The following OPHN1 variants were observed in gnomAD, a reference collection of about 807,000 sequenced individuals.
OPHN1 encodes the protein oligophrenin 1.
Under a neutral mutation model 60.7 loss-of-function variants are expected in OPHN1, and 11 were observed. The ratio of observed to expected loss-of-function variants is 0.18; its 90% CI spans 0.11 to 0.30. The LOEUF is 0.30. Ranked by LOEUF, OPHN1 falls within the 10% of genes least tolerant of loss-of-function variation. The pLI, the probability that OPHN1 is intolerant of heterozygous loss-of-function variation, is 1.00. For synonymous variants in OPHN1, 226 were observed against 222.6 expected (o/e 1.02, Z -0.14); for missense variants, 449 against 611.0 (o/e 0.73, Z 2.80).
At chrX:68,127,357 C>T (rs1206620030) in intron 15 of OPHN1, among the ~76,000 whole-genome samples, 1 of 110,916 alleles carries the variant, frequency 9.0e-6, no homozygotes, top group African/African-American at 3.3e-5. Context: ...TATTCATAGC[C>T]TAATAATAAA....
chrX:68,069,227 A>G (rs2076924206), intron 20 of OPHN1, among the ~76,000 whole-genome samples: 1 of 112,043 alleles, frequency 8.9e-6, no homozygotes, highest in African/African-American at 3.2e-5. Context: ...AGATTAAATT[A>G]GACCTTCTAT....
intron 15 of OPHN1, among the ~76,000 whole-genome samples, chrX:68,188,954 C>A (rs1363364699): frequency 8.9e-6 from 1 of 111,779 alleles, no homozygotes; most frequent in Non-Finnish European, 1.9e-5. Context: ...TATTCTAATG[C>A]CATAATGATG....
chrX:68,252,394 T>C (rs147220495), intron 5 of OPHN1, among the ~76,000 whole-genome samples: 2,714 of 111,950 alleles, frequency 0.024, 80 homozygotes, highest in African/African-American at 0.084. Flanking sequence ...GAACTAAAAA[T>C]CTGAGCCCAA....
intron 20 of OPHN1, among the ~76,000 whole-genome samples, chrX:68,069,626 GGAGA>G (rs1387191131): frequency 9.1e-6 from 1 of 110,469 alleles, no homozygotes; most frequent in African/African-American, 3.3e-5. Context: ...CATTCTAATG[GGAGA>G]GAGAGATAAT....
intron 15 of OPHN1, among the ~76,000 whole-genome samples, chrX:68,168,515 T>G (rs9698438): frequency 0.35 from 38,135 of 108,065 alleles, 5,680 homozygotes; most frequent in African/African-American, 0.53. Flanking sequence ...TGTGTAGAGG[T>G]AAATTTATAG....
chrX:68,166,675 G>C (rs1397037044), intron 15 of OPHN1, among the ~76,000 whole-genome samples: 1 of 111,716 alleles, frequency 9.0e-6, no homozygotes, highest in East Asian at 2.8e-4. Context: ...GCAAGGTGCT[G>C]GTGTAAAAAC....
chrX:68,262,673 G>A (rs2077899196), intron 5 of OPHN1, among the ~76,000 whole-genome samples: 1 of 112,086 alleles, frequency 8.9e-6, no homozygotes, highest in Non-Finnish European at 1.9e-5. Context: ...TGTAATTCAA[G>A]CTACTTGGAA....
intron 20 of OPHN1, chrX:68,070,484 A>AG (rs1257563663): frequency 1.7e-6 from 1 of 588,957 alleles, no homozygotes; most frequent in African/African-American, 2.2e-5. Flanking sequence ...AAGTTGACTT[A>AG]GGGGCTGTGC....
intron 6 of OPHN1, among the ~76,000 whole-genome samples, chrX:68,224,638 A>T: frequency 8.9e-6 from 1 of 112,841 alleles, no homozygotes; most frequent in Admixed American, 9.4e-5. Flanking sequence ...AATAGAAGAA[A>T]GATCTCTTAT....
intron 2 of OPHN1, among the ~76,000 whole-genome samples, chrX:68,346,801 T>C (rs145872015): frequency 0.023 from 2,527 of 111,919 alleles, 69 homozygotes; most frequent in African/African-American, 0.078. Context: ...AATATTAGTT[T>C]GCACACGGGG....
At chrX:68,397,120 C>T (rs958341989) in intron 2 of OPHN1, among the ~76,000 whole-genome samples, 2 of 112,545 alleles carry the variant, frequency 1.8e-5, no homozygotes, top group African/African-American at 6.5e-5. Flanking sequence ...CACCCTCCAG[C>T]ACAGTTCACC....
intron 15 of OPHN1, among the ~76,000 whole-genome samples, chrX:68,166,262 G>A (rs949347003): frequency 2.7e-5 from 3 of 112,389 alleles, no homozygotes; most frequent in Non-Finnish European, 3.8e-5. Flanking sequence ...GGCCAGGCAC[G>A]GTGGCTCACG....
At position 68,201,607 on chromosome X, in the gene OPHN1, G is replaced by T; in HGVS notation, c.1025+12C>A. The stretch of plus-strand genomic sequence containing the variant: ...CGTGGGGACATTGCCAATTCACAGC[G>T]GCACAGCTTACCTTTCATTAGTTTC... On this transcript the variant is annotated intron_variant, in intron 11 of 24. Coordinates refer to ENST00000355520, the MANE Select transcript of OPHN1 (RefSeq NM_002547.3). 1 of 1,198,617 alleles carries T rather than the reference G, an allele frequency of 8.3e-7. No homozygotes were observed. The highest frequency in any genetic ancestry group is 1.8e-5 in the South Asian group (1 of 56,670).
At chrX:68,146,931 G>A (rs763248191) in intron 15 of OPHN1, among the ~76,000 whole-genome samples, 24 of 112,096 alleles carry the variant, frequency 2.1e-4, no homozygotes, top group African/African-American at 7.8e-4. Flanking sequence ...TGTACATATG[G>A]CAACTGAAAA....
intron 3 of OPHN1, among the ~76,000 whole-genome samples, chrX:68,291,418 T>C (rs1394725668): frequency 9.0e-6 from 1 of 111,452 alleles, no homozygotes. Flanking sequence ...CAGCAGTCAG[T>C]CTCCAGATCA....
intron 2 of OPHN1, among the ~76,000 whole-genome samples, chrX:68,373,872 G>A (rs1418905451): frequency 9.0e-6 from 1 of 111,148 alleles, no homozygotes; most frequent in Non-Finnish European, 1.9e-5. Context: ...TCACAGTTAA[G>A]TTGTGGCAAA....
chrX:68,209,974 A>T, intron 9 of OPHN1, 179 bp downstream of exon 9: 1 of 483,890 alleles, frequency 2.1e-6, no homozygotes, highest in Non-Finnish European at 3.5e-6. Context: ...CAAATCTTTA[A>T]CTTCCTCTCA....
intron 7 of OPHN1, among the ~76,000 whole-genome samples, chrX:68,213,562 G>A (rs1165706718): frequency 9.2e-6 from 1 of 108,145 alleles, no homozygotes; most frequent in Non-Finnish European, 1.9e-5. Context: ...GAAGAAGGAA[G>A]GGAGGGAAAC....
rs141488767 is a variant in OPHN1, at chrX:68,235,830, C to T, written c.385-1242G>A. Among the ~76,000 whole-genome samples, 524 of 109,502 alleles carry T rather than the reference C, an allele frequency of 4.8e-3. 2 individuals carry two copies. Among genetic ancestry groups the T allele is most frequent in the Non-Finnish European group, 8.8e-3 (463 of 52,637 alleles). ...CCGAGATTGTGCCACTGCATTCCAG[C>T]CTAGGTGAGAGAGCAAGACTCTGTT... On this transcript the variant is annotated intron_variant, in intron 5 of 24. Transcript: ENST00000355520.
Sources: allele counts gnomAD v4.1 joint callset (sites outside exome capture counted in the v4.1 genomes callset), GRCh38; gene constraint gnomAD v4.1.1; transcripts MANE v1.5; gene names NCBI Gene and HGNC (gene_info 2026-07-23, HGNC 2026-07-21).